The following WDR64 variants were observed in gnomAD, a reference collection of about 807,000 sequenced individuals.
The protein encoded by WDR64 is WD repeat-containing protein 64.
WDR64 carries 112 observed loss-of-function variants against 139.3 expected under a neutral mutation model. That is an observed-to-expected ratio of 0.80 (90% CI 0.69 to 0.94). The LOEUF is 0.94. Ranked by LOEUF, WDR64 falls within the 40% of genes least tolerant of loss-of-function variation. The pLI is 0.00. For synonymous variants in WDR64, 444 were observed against 437.7 expected (o/e 1.01, Z -0.18); for missense variants, 1,206 against 1,293.1 (o/e 0.93, Z 1.03).
At chr1:241,693,811 C>G (rs928284832) in intron 8 of WDR64, among the ~76,000 whole-genome samples, 3 of 152,070 alleles carry the variant, frequency 2.0e-5, no homozygotes, top group Non-Finnish European at 2.9e-5. Context: ...TGAGCATAAA[C>G]CTATCTAAAA....
intron 3 of WDR64, among the ~76,000 whole-genome samples, chr1:241,671,923 G>T (rs1239634956): frequency 5.3e-5 from 8 of 152,134 alleles, no homozygotes; most frequent in Non-Finnish European, 7.4e-5. Context: ...CTGTAATCCT[G>T]GCACTTTGAG....
At chr1:241,751,827 CAA>C (rs1181907746) in intron 14 of WDR64, among the ~76,000 whole-genome samples, 1 of 152,140 alleles carries the variant, frequency 6.6e-6, no homozygotes, top group Non-Finnish European at 1.5e-5. Flanking sequence ...TCATAGAAAA[CAA>C]GAGAAGAAAA....
chr1:241,660,608 G>A lies in WDR64; in HGVS notation c.224G>A (p.Arg75His), dbSNP rs765539431. Residue 75 changes from arginine to histidine, a missense_variant, in exon 2 of 28, where the codon CGC becomes CAC. By Grantham distance (29) the Arg-to-His change is conservative. Transcript: ENST00000437684. Reference sequence around the variant, plus strand: ...GATGTGAAGAATCAAGATGTGAAACGCTTTTACAGGAAACTGTGCAACAAC... The same window carrying A: ...GATGTGAAGAATCAAGATGTGAAACACTTTTACAGGAAACTGTGCAACAAC... Reference protein sequence around the residue: ...GPDVKNQDVKRFYRKLCNNTD... With the variant: ...GPDVKNQDVKHFYRKLCNNTD... 21 of 1,551,616 alleles carry A rather than the reference G, an allele frequency of 1.4e-5. No homozygotes were observed. Among genetic ancestry groups the A allele is most frequent in the African/African-American group, 2.7e-5 (2 of 73,142 alleles).
chr1:241,735,533 C>CTCTTT (rs1553373537), intron 10 of WDR64, among the ~76,000 whole-genome samples: 1 of 103,514 alleles, frequency 9.7e-6, no homozygotes, highest in African/African-American at 3.8e-5. Flanking sequence ...CTCTCTCTCT[C>CTCTTT]TTTTTTTTTT....
In WDR64 at chr1:241,790,054, T is replaced by G. The variant is rs182997370; in HGVS notation, c.2892-537T>G. ...CACTCCCCAAGGGCTATTAGTGAAT[T>G]TAAATACATGAAATGGCCGGTCATG... On this transcript the variant is annotated intron_variant, in intron 24 of 27. Transcript: ENST00000437684. Among the ~76,000 whole-genome samples the G allele has an allele frequency of 1.2e-3, 188 of 152,156 alleles. 1 individual carries two copies. In the Middle Eastern group the frequency reaches 0.014, roughly 11 times the overall value.
chr1:241,775,329 C>T (rs1400608998), intron 21 of WDR64, 119 bp downstream of exon 21: 11 of 706,418 alleles, frequency 1.6e-5, no homozygotes, highest in Non-Finnish European at 2.5e-5. Context: ...AAGAGGTATG[C>T]TCAAGCCTGA....
chr1:241,771,945 C>CATATATATATATATATATATATATATAT (rs57383177), intron 19 of WDR64, among the ~76,000 whole-genome samples: 1 of 62,420 alleles, frequency 1.6e-5, no homozygotes, highest in Non-Finnish European at 2.7e-5. Context: ...TACATACATA[C>CATATATATATATATATATATATATATAT]ATATATATAT....
chr1:241,671,107 A>G lies in WDR64; in HGVS notation c.310A>G (p.Ile104Val). ...FGYFSSEEDP[I>V]ASQLDEENLV... is the part of the protein sequence containing the mutation. ...ATACTTCTCCTCTGAAGAAGATCCT[A>G]TTGCTTCCCAGTTGGATGAAGAAAA... The change falls in exon 3 of 28, where the codon ATT becomes GTT. Residue 104 changes from isoleucine to valine, a missense_variant. Transcript: ENST00000437684. The G allele has an allele frequency of 1.9e-6, 3 of 1,551,028 alleles. No individual in the cohort carries two copies. In the South Asian group the frequency reaches 3.6e-5, roughly 19 times the overall value.
intron 8 of WDR64, among the ~76,000 whole-genome samples, chr1:241,694,007 C>A (rs1388165301): frequency 6.6e-6 from 1 of 151,882 alleles, no homozygotes; most frequent in Non-Finnish European, 1.5e-5. Flanking sequence ...ATTTAGAGAA[C>A]AACTAAAAGT....
Position 241,795,241 on chromosome 1 carries a change from A to T in WDR64, c.3032A>T (p.Glu1011Val), listed in dbSNP as rs564731951. The T allele has an allele frequency of 6.2e-7, 1 of 1,613,924 alleles. No individual in the cohort carries two copies. The highest frequency in any genetic ancestry group is 1.1e-5 in the South Asian group (1 of 91,034). The change falls in exon 26 of 28, where the codon GAA becomes GTA. Residue 1011 changes from glutamate (E) to valine (V), a missense_variant. Physicochemically the swap from Glu to Val is moderately radical, Grantham distance 121 (BLOSUM62 -2). Coordinates refer to ENST00000437684, the MANE Select transcript of WDR64 (RefSeq NM_001367482.1). ...RRYPLEGFVT[E>V]NREAGIVFGS... ...TATCCCTTGGAAGGTTTCGTGACTGAAAACAGAGAGGCAGGGATTGTTTTC... is the reference window on the plus strand; with the variant it reads ...TATCCCTTGGAAGGTTTCGTGACTGTAAACAGAGAGGCAGGGATTGTTTTC...
chr1:241,772,932 G>A lies in WDR64; in HGVS notation c.2430+1G>A, dbSNP rs1658518191. 3 of 1,548,906 alleles carry A rather than the reference G, an allele frequency of 1.9e-6. No homozygotes were observed. Among genetic ancestry groups the A allele is most frequent in the South Asian group, 2.4e-5 (2 of 83,632 alleles). ...ACACCTCCGCTTGTGGACTCTGGAG[G>A]TAATGGAACCCAGCAAGTCTGGGAA... On this transcript the variant is annotated splice_donor_variant, in intron 20 of 27. Coordinates refer to ENST00000437684, the MANE Select transcript of WDR64 (RefSeq NM_001367482.1). LOFTEE classifies it high-confidence loss of function.
intron 10 of WDR64, among the ~76,000 whole-genome samples, chr1:241,734,583 C>T (rs1039558969): frequency 5.3e-5 from 8 of 150,780 alleles, no homozygotes; most frequent in African/African-American, 1.7e-4. Flanking sequence ...CCTATTTGAC[C>T]AAGACAGAGA....
In WDR64 at chr1:241,756,623, T is replaced by C. The variant is rs536289164; in HGVS notation, c.1771-660T>C. On this transcript the variant is annotated intron_variant, in intron 14 of 27. Coordinates refer to ENST00000437684, the MANE Select transcript of WDR64 (RefSeq NM_001367482.1). ...ATAATACCAAGTGTTAGCAAGAATA[T>C]GAAGAAAGGGAAACTCTCCTCTACT... Among the ~76,000 whole-genome samples, 247 of 152,240 alleles carry C rather than the reference T, an allele frequency of 1.6e-3. 1 individual carries two copies. Among genetic ancestry groups the C allele is most frequent in the Non-Finnish European group, 3.2e-3 (221 of 68,014 alleles).
chr1:241,750,919 T>G (rs1669953933), intron 14 of WDR64, among the ~76,000 whole-genome samples: 1 of 152,220 alleles, frequency 6.6e-6, no homozygotes, highest in Non-Finnish European at 1.5e-5. Flanking sequence ...GGAGAACTTT[T>G]ATTAATGTTG....
chr1:241,677,159 T>A (rs927829976), intron 4 of WDR64: 22 of 392,364 alleles, frequency 5.6e-5, no homozygotes, highest in Non-Finnish European at 9.4e-5. Flanking sequence ...CTTACCAAAG[T>A]AAGAAATTAA....
intron 7 of WDR64, among the ~76,000 whole-genome samples, chr1:241,684,023 A>G (rs970559531): frequency 2.0e-5 from 3 of 152,142 alleles, no homozygotes; most frequent in African/African-American, 7.2e-5. Flanking sequence ...TAAATCGTGA[A>G]AAAAACTATA....
chr1:241,760,759 ATTTTTTTTT>A (rs71174847), intron 15 of WDR64, among the ~76,000 whole-genome samples: 1 of 87,058 alleles, frequency 1.1e-5, no homozygotes, highest in African/African-American at 4.4e-5. Context: ...GTGGGTTTCC[ATTTTTTTTT>A]TTTTTTTTTT....
In WDR64 at chr1:241,794,502, C is replaced by CTTTTTTTTTTTTTTTTTTTTTTT. The variant is rs1659299229; in HGVS notation, c.2998-704_2998-703insTTTTTTTTTTTTTTTTTTTTTTT. On this transcript the variant is annotated intron_variant, in intron 25 of 27. Transcript: ENST00000437684. ...AATGCCCCACATATTTTAAGCTTTA[C>CTTTTTTTTTTTTTTTTTTTTTTT]TGTTTTTTTTTTTTTTTTTTTTTTG... is the stretch of plus-strand genomic sequence containing the variant. Among the ~76,000 whole-genome samples, 3 of 105,024 alleles carry CTTTTTTTTTTTTTTTTTTTTTTT rather than the reference C, an allele frequency of 2.9e-5. 1 individual carries two copies. Among genetic ancestry groups the CTTTTTTTTTTTTTTTTTTTTTTT allele is most frequent in the Non-Finnish European group, 5.4e-5 (3 of 55,684 alleles). 68.9% of individuals were successfully genotyped at this position (105,024 alleles called of 152,430 possible). A position where few individuals can be genotyped will look rare whatever the true frequency, so the allele number is the denominator to read the frequency against.
intron 8 of WDR64, among the ~76,000 whole-genome samples, chr1:241,710,577 A>T (rs1324868262): frequency 1.3e-5 from 2 of 152,208 alleles, no homozygotes; most frequent in Non-Finnish European, 2.9e-5. Flanking sequence ...AGAAAGTTAC[A>T]TTTAAGCTGA....
Sources: gnomAD v4.1 joint callset for allele counts (sites outside exome capture counted in the v4.1 genomes callset) on GRCh38, gnomAD v4.1.1 for gene constraint, MANE v1.5 for transcripts, NCBI Gene and HGNC (gene_info 2026-07-23, HGNC 2026-07-21) for gene names.